Variants in IPO8 observed in about 807,000 individuals in gnomAD.
IPO8 encodes the protein importin-8.
In IPO8, 65 loss-of-function variants were observed where a neutral mutation model predicts 141.2. The observed-to-expected ratio is 0.46, with a 90% CI of 0.38 to 0.57. The LOEUF (loss-of-function observed/expected upper bound fraction) is 0.57. Ranked by LOEUF, IPO8 falls within the 20% of genes least tolerant of loss-of-function variation. IPO8 has a pLI of 0.00. For missense variants in IPO8, 980 were observed against 1,246.8 expected (o/e 0.79, Z 3.22); for synonymous variants, 411 against 420.3 (o/e 0.98, Z 0.27).
At chr12:30,669,324 G>A in intron 9 of IPO8, 42 bp from the exon 10 acceptor site, 1 of 961,180 alleles carries the variant, frequency 1.0e-6, no homozygotes, top group Non-Finnish European at 1.6e-6. Context: ...ATGGGTATAG[G>A]CTATTCAAGT....
At chr12:30,636,919 C>G in intron 22 of IPO8, 63 bp downstream of exon 22, 1 of 1,309,976 alleles carries the variant, frequency 7.6e-7, no homozygotes, top group Non-Finnish European at 1.1e-6. Context: ...GACTAGTATT[C>G]ATATAAAATG....
At chr12:30,672,963 A>G (rs972696645) in intron 8 of IPO8, among the ~76,000 whole-genome samples, 21 of 152,282 alleles carry the variant, frequency 1.4e-4, no homozygotes, top group African/African-American at 4.8e-4. Context: ...TATTTAAAAA[A>G]AAAAAATCTA....
chr12:30,637,738 T>C (rs374711411), intron 21 of IPO8, among the ~76,000 whole-genome samples: 53 of 152,202 alleles, frequency 3.5e-4, no homozygotes, highest in African/African-American at 1.3e-3. Context: ...ACAAGGAAAA[T>C]TTTATTCAGA....
At chr12:30,665,607 T>C (rs1565502747) in intron 12 of IPO8, 122 bp downstream of exon 12, 9 of 659,458 alleles carry the variant, frequency 1.4e-5, no homozygotes, top group Non-Finnish European at 2.1e-5. Flanking sequence ...GAAAGGAGGA[T>C]AGTTGTGAAC....
At chr12:30,656,193 C>T (rs770644824) in intron 17 of IPO8, among the ~76,000 whole-genome samples, 3 of 152,116 alleles carry the variant, frequency 2.0e-5, no homozygotes, top group Admixed American at 1.3e-4. Flanking sequence ...CATGCCACCA[C>T]ACTCAGCTAA....
chr12:30,690,699 C>A, intron 1 of IPO8, 122 bp from the exon 2 acceptor site: 1 of 535,736 alleles, frequency 1.9e-6, no homozygotes, highest in Non-Finnish European at 3.3e-6. Flanking sequence ...CTGAGACAAA[C>A]CCTTCAAGGC....
chr12:30,680,519 T>C lies in IPO8; in HGVS notation c.602A>G (p.Gln201Arg). 2 of 1,611,678 alleles carry C rather than the reference T, an allele frequency of 1.2e-6. No individual in the cohort carries two copies. Among genetic ancestry groups the C allele is most frequent in the Non-Finnish European group, 1.7e-6 (2 of 1,178,964 alleles). ...PDSSYYSVLLQKQILKIFYAL... is the reference protein window; with the variant it reads ...PDSSYYSVLLRKQILKIFYAL... ...ATAAAAGATTTTCAGAATTTGTTTC[T>C]GCAGTAATACAGAATAATAGGAGGA... Residue 201 changes from glutamine (Q) to arginine (R), a missense_variant, in exon 5 of 25, where the codon CAG becomes CGG. By Grantham distance (43) the Gln-to-Arg change is conservative (BLOSUM62 1). This residue lies in a region of IPO8 where 924 missense variants were observed against 1,153.9 expected (regional missense o/e 0.80). Coordinates refer to ENST00000256079, the MANE Select transcript of IPO8 (RefSeq NM_006390.4).
At chr12:30,662,605 A>T in intron 14 of IPO8, 118 bp from the exon 15 acceptor site, 1 of 735,826 alleles carries the variant, frequency 1.4e-6, no homozygotes, top group South Asian at 1.5e-5. Context: ...TTCTAGATAC[A>T]CACTTGCTCT....
intron 10 of IPO8, among the ~76,000 whole-genome samples, chr12:30,666,952 A>G (rs1349186885): frequency 6.6e-6 from 1 of 152,230 alleles, no homozygotes; most frequent in Admixed American, 6.5e-5. Context: ...TGTTGAATAT[A>G]TACCTATCTA....
intron 2 of IPO8, among the ~76,000 whole-genome samples, chr12:30,690,274 G>A (rs1373942828): frequency 1.3e-5 from 2 of 152,160 alleles, no homozygotes; most frequent in African/African-American, 4.8e-5. Flanking sequence ...GTGGGTAAAA[G>A]GGAGAGGAGG....
In IPO8 at chr12:30,665,809, G is replaced by C; in HGVS notation, c.1258C>G (p.Leu420Val). The C allele has an allele frequency of 6.2e-7, 1 of 1,613,598 alleles. No individual in the cohort carries two copies. Among genetic ancestry groups the C allele is most frequent in the Non-Finnish European group, 8.5e-7 (1 of 1,179,724 alleles). ...CTAGGGTCAAAGTTCGGGTCTGTCA[G>C]GATTTGATAACAGAATGCCATCATT... ...PKMMAFCYQI[L>V]TDPNFDPRKK... Residue 420 changes from leucine (L) to valine (V), a missense_variant, in exon 12 of 25, where the codon CTG becomes GTG. This residue lies in a region of IPO8 where 924 missense variants were observed against 1,153.9 expected (regional missense o/e 0.80). Coordinates refer to ENST00000256079, the MANE Select transcript of IPO8 (RefSeq NM_006390.4).
At chr12:30,651,948 G>A (rs2052732744) in intron 19 of IPO8, among the ~76,000 whole-genome samples, 1 of 151,948 alleles carries the variant, frequency 6.6e-6, no homozygotes, top group Non-Finnish European at 1.5e-5. Flanking sequence ...GAAAATTCAT[G>A]TCCAAAAGAA....
At chr12:30,637,288 G>T in intron 21 of IPO8, 101 bp from the exon 22 acceptor site, 1 of 841,400 alleles carries the variant, frequency 1.2e-6, no homozygotes, top group Non-Finnish European at 1.9e-6. Context: ...ATACTCTAAG[G>T]TTCATCTGTT....
chr12:30,694,940 T>G (rs1463730242), intron 1 of IPO8: 1 of 455,496 alleles, frequency 2.2e-6, no homozygotes, highest in Non-Finnish European at 4.4e-6. Context: ...GTCTTACACA[T>G]TTTAGCATTC....
At chr12:30,641,127 CTGGT>C (rs776316248) in intron 20 of IPO8, among the ~76,000 whole-genome samples, 5 of 152,110 alleles carry the variant, frequency 3.3e-5, no homozygotes, top group Non-Finnish European at 7.3e-5. Context: ...ATTATGGAAG[CTGGT>C]TGGACTACTA....
intron 2 of IPO8, chr12:30,686,520 T>G (rs1021502582): frequency 6.6e-6 from 1 of 152,186 alleles, no homozygotes. Flanking sequence ...TTAATTTTTT[T>G]GTATTTTTGT....
intron 19 of IPO8, 50 bp from the exon 20 acceptor site, chr12:30,649,282 TAATCAA>T: frequency 7.8e-7 from 1 of 1,280,754 alleles, no homozygotes; most frequent in Non-Finnish European, 1.1e-6. Context: ...GCATAGAGGT[TAATCAA>T]GTCCACATGC....
At chr12:30,637,316 T>C (rs771209441) in intron 21 of IPO8, 129 bp from the exon 22 acceptor site, 16 of 703,648 alleles carry the variant, frequency 2.3e-5, no homozygotes, top group African/African-American at 3.6e-5. Flanking sequence ...TACAGAGACA[T>C]TCCCTGTTTT....
chr12:30,656,418 C>T (rs951712363), intron 17 of IPO8, among the ~76,000 whole-genome samples: 1 of 152,120 alleles, frequency 6.6e-6, no homozygotes, highest in African/African-American at 2.4e-5. Flanking sequence ...AAACCTCATC[C>T]CAGTTCATTT....
Sources: allele counts gnomAD v4.1 joint callset (sites outside exome capture counted in the v4.1 genomes callset), GRCh38; gene constraint gnomAD v4.1.1; regional missense constraint gnomAD v4.1.1; transcripts MANE v1.5; gene names NCBI Gene and HGNC (gene_info 2026-07-23, HGNC 2026-07-21).